PDCD2L: variants seen among roughly 807,000 people sequenced by gnomAD.
PDCD2L encodes the protein programmed cell death 2 like.
In PDCD2L, 44 loss-of-function variants were observed where a neutral mutation model predicts 40.4. The ratio of observed to expected loss-of-function variants is 1.09; its 90% confidence interval spans 0.86 to 1.40. PDCD2L has a LOEUF of 1.40. Among genes scored for constraint, PDCD2L ranks in the 40% most tolerant of loss-of-function variants. The pLI is 0.00. For synonymous variants in PDCD2L, 194 were observed against 174.6 expected, an observed-to-expected ratio of 1.11 and a Z score of -0.88; for missense variants, 470 against 453.7, an observed-to-expected ratio of 1.04 and a Z score of -0.33.
In PDCD2L at chr19:34,404,483, A is replaced by G. The variant is rs1599867162; in HGVS notation, c.53A>G (p.His18Arg). Reference protein sequence around the residue: ...VLLGLRDAPVHGSPTGPGAWT... With the variant: ...VLLGLRDAPVRGSPTGPGAWT... The stretch of plus-strand genomic sequence containing the variant: ...CTGGGCCTTCGAGATGCGCCGGTGC[A>G]CGGCAGCCCCACAGGGCCGGGTGCC... The change falls in exon 1 of 7, where the codon CAC becomes CGC. Residue 18 changes from histidine to arginine, a missense_variant. His to Arg is a conservative substitution (Grantham distance 29, BLOSUM62 0). Coordinates refer to ENST00000246535, the MANE Select transcript of PDCD2L (RefSeq NM_032346.2). The G allele has an allele frequency of 6.5e-7, 1 of 1,544,050 alleles. No individual in the cohort carries two copies. The highest frequency in any genetic ancestry group is 2.4e-5 in the East Asian group (1 of 40,922).
chr19:34,414,568 C>T (rs540449917), intron 5 of PDCD2L, among the ~76,000 whole-genome samples: 19 of 137,214 alleles, frequency 1.4e-4, no homozygotes, highest in African/African-American at 5.3e-4. Context: ...TAGCTCAGTG[C>T]ACCTTGACCT....
intron 4 of PDCD2L, 86 bp downstream of exon 4, chr19:34,409,596 G>C: frequency 4.0e-6 from 5 of 1,257,034 alleles, no homozygotes; most frequent in Non-Finnish European, 5.6e-6. Context: ...CACAGGACCT[G>C]GGGAAACTTT....
intron 6 of PDCD2L, 96 bp from the exon 7 acceptor site, chr19:34,425,894 A>T: frequency 7.7e-7 from 1 of 1,303,030 alleles, no homozygotes; most frequent in Admixed American, 2.2e-5. Context: ...GCTTTACCTA[A>T]TTACTTTTTC....
intron 4 of PDCD2L, 30 bp downstream of exon 4, chr19:34,409,540 G>A: frequency 1.3e-6 from 2 of 1,585,132 alleles, no homozygotes; most frequent in Non-Finnish European, 1.7e-6. Flanking sequence ...AGGTTGAGAG[G>A]TGACTGGATT....
intron 5 of PDCD2L, 148 bp from the exon 6 acceptor site, chr19:34,421,371 C>G (rs1262357445): frequency 1.2e-6 from 1 of 830,756 alleles, no homozygotes; most frequent in Non-Finnish European, 1.9e-6. Flanking sequence ...TTCCAGATAT[C>G]TTGCTATGCT....
chr19:34,405,393 G>T (rs1412592112), intron 3 of PDCD2L, among the ~76,000 whole-genome samples: 1 of 151,294 alleles, frequency 6.6e-6, no homozygotes, highest in Non-Finnish European at 1.5e-5. Flanking sequence ...TGATCCACCC[G>T]CCTCGGCCTC....
chr19:34,406,375 AC>A (rs1343511553), intron 3 of PDCD2L, among the ~76,000 whole-genome samples: 3 of 152,026 alleles, frequency 2.0e-5, no homozygotes, highest in Non-Finnish European at 2.9e-5. Flanking sequence ...ATTTGGAGAT[AC>A]ACAATACTCT....
At chr19:34,419,499 CTT>C (rs10706238) in intron 5 of PDCD2L, among the ~76,000 whole-genome samples, 223 of 143,212 alleles carry the variant, frequency 1.6e-3, no homozygotes, top group Non-Finnish European at 1.9e-3. Flanking sequence ...CCTCCATTTC[CTT>C]TTTTTTTTTT....
intron 4 of PDCD2L, among the ~76,000 whole-genome samples, chr19:34,412,768 G>GTT (rs539182334): frequency 4.4e-4 from 61 of 140,196 alleles, no homozygotes; most frequent in South Asian, 6.8e-4. Flanking sequence ...AACTTTGACA[G>GTT]TTTTTTTTTT....
At chr19:34,419,425 G>T (rs1177561749) in intron 5 of PDCD2L, among the ~76,000 whole-genome samples, 1 of 152,002 alleles carries the variant, frequency 6.6e-6, no homozygotes, top group Non-Finnish European at 1.5e-5. Flanking sequence ...AAAATGCTGG[G>T]ATTACAGGCA....
intron 3 of PDCD2L, among the ~76,000 whole-genome samples, chr19:34,406,635 C>T (rs1480574163): frequency 6.6e-6 from 1 of 151,944 alleles, no homozygotes; most frequent in Non-Finnish European, 1.5e-5. Context: ...TTGTCATCCA[C>T]CCACCTCGGC....
At chr19:34,425,297 T>C (rs1045175625) in intron 6 of PDCD2L, among the ~76,000 whole-genome samples, 2 of 151,180 alleles carry the variant, frequency 1.3e-5, no homozygotes, top group African/African-American at 2.4e-5. Flanking sequence ...TATATTTCTC[T>C]CTTCTTTTTT....
At chr19:34,409,584 ACC>A in intron 4 of PDCD2L, 74 bp downstream of exon 4, 1 of 1,345,796 alleles carries the variant, frequency 7.4e-7, no homozygotes, top group Admixed American at 1.9e-5. Context: ...CTTCAGTTTC[ACC>A]ACAGGACCTG....
chr19:34,405,129 G>T, intron 3 of PDCD2L, 139 bp downstream of exon 3: 1 of 600,876 alleles, frequency 1.7e-6, no homozygotes, highest in Non-Finnish European at 2.6e-6. Flanking sequence ...ACCATAAAAT[G>T]CTATTTTCGT....
At chr19:34,423,641 C>T (rs1208340440) in intron 6 of PDCD2L, among the ~76,000 whole-genome samples, 3 of 151,816 alleles carry the variant, frequency 2.0e-5, no homozygotes, top group African/African-American at 7.3e-5. Flanking sequence ...ATTACAGGCG[C>T]CCACCACCAC....
chr19:34,415,000 G>A (rs1013946107), intron 5 of PDCD2L, among the ~76,000 whole-genome samples: 7 of 152,008 alleles, frequency 4.6e-5, no homozygotes, highest in African/African-American at 1.4e-4. Context: ...ATCTGATCAT[G>A]TTGCCCAGTC....
rs1192655124 is a variant in PDCD2L at position 34,404,700 on chromosome 19, C to T, written c.160C>T (p.Gln54Ter). 6.8e-6 allele frequency: 11 copies of T among 1,612,156 alleles called. No homozygotes were observed. Among genetic ancestry groups the T allele is most frequent in the Non-Finnish European group, 9.3e-6 (11 of 1,179,822 alleles). ...CAGGCCCGTGTGTCAGCGCTGCGGG[C>T]AGCCGCTCGCTCTGGTCGTGCAGGT... ...APRPVCQRCG[Q>*]PLALVVQVYC... Residue 54 changes from glutamine (Q) to a stop codon, truncating the protein, a stop_gained, in exon 2 of 7, where the codon CAG becomes TAG. Transcript: ENST00000246535. LOFTEE classifies it high-confidence loss of function.
At chr19:34,413,476 A>AT (rs200652111) in intron 4 of PDCD2L, among the ~76,000 whole-genome samples, 2,205 of 151,434 alleles carry the variant, frequency 0.015, 50 homozygotes, top group African/African-American at 0.05. Context: ...AGCTGGGACT[A>AT]TAGGCGCAAG....
At chr19:34,413,944 T>TA in intron 5 of PDCD2L, 97 bp downstream of exon 5, 1 of 746,752 alleles carries the variant, frequency 1.3e-6, no homozygotes, top group South Asian at 1.7e-5. Context: ...AAGCAAAACC[T>TA]ACAGTATTCC....
Sources: allele counts gnomAD v4.1 joint callset (sites outside exome capture counted in the v4.1 genomes callset), GRCh38; gene constraint gnomAD v4.1.1; transcripts MANE v1.5; gene names NCBI Gene and HGNC (gene_info 2026-07-23, HGNC 2026-07-21).